PDE3B: variants seen among roughly 807,000 people sequenced by gnomAD.
PDE3B encodes the protein cGMP-inhibited 3',5'-cyclic phosphodiesterase 3B.
In PDE3B, 66 loss-of-function variants were observed where a neutral mutation model predicts 116.8. The observed-to-expected ratio is 0.56, with a 90% confidence interval of 0.46 to 0.69. The LOEUF (loss-of-function observed/expected upper bound fraction) is 0.69, where lower values mean the gene tolerates loss of function less well. PDE3B is among the 30% of genes least tolerant of loss of function. PDE3B has a pLI of 0.00. For missense variants in PDE3B, 1,384 were observed against 1,368.1 expected (o/e 1.01, Z -0.18); for synonymous variants, 595 against 533.6 (o/e 1.12, Z -1.59).
intron 5 of PDE3B, among the ~76,000 whole-genome samples, chr11:14,815,508 A>G (rs1859296917): frequency 6.6e-6 from 1 of 152,126 alleles, no homozygotes; most frequent in South Asian, 2.1e-4. Context: ...GGCCACCCAC[A>G]GTTCGTAGAG....
intron 1 of PDE3B, among the ~76,000 whole-genome samples, chr11:14,697,457 A>G (rs1759496491): frequency 1.3e-5 from 2 of 152,184 alleles, no homozygotes; most frequent in Non-Finnish European, 2.9e-5. Context: ...CCATTGGTCT[A>G]TTTATGCATT....
In PDE3B at chr11:14,665,115, C is replaced by A. The variant is rs550881727; in HGVS notation, c.978+20062C>A. Reference sequence around the variant, plus strand: ...CTGGGATGCAAGGCTGGTTCAATATCCGCAAATCAATAAATGTAATCCAGC... The same window carrying A: ...CTGGGATGCAAGGCTGGTTCAATATACGCAAATCAATAAATGTAATCCAGC... On this transcript the variant is annotated intron_variant, in intron 1 of 15. Coordinates refer to ENST00000282096, the MANE Select transcript of PDE3B (RefSeq NM_000922.4). Among the ~76,000 whole-genome samples the A allele has an allele frequency of 2.3e-4, 35 of 152,184 alleles. No homozygotes were observed. The South Asian group carries it at 6.2e-3, about 27-fold the overall frequency.
In PDE3B at chr11:14,830,853, G is replaced by T; in HGVS notation, c.1956+7G>T. 1 of 1,478,420 alleles carries T rather than the reference G, an allele frequency of 6.8e-7. No individual in the cohort carries two copies. The highest frequency in any genetic ancestry group is 1.5e-5 in the South Asian group (1 of 67,032). The allele number at this position is 1,478,420 out of a possible 1,614,324, so 91.6% of individuals were successfully genotyped here. ...GAGTGAACAGCAAACAAATGTAAAAGATAAACTTTCAATATGATTATGTTA... is the reference window on the plus strand; with the variant it reads ...GAGTGAACAGCAAACAAATGTAAAATATAAACTTTCAATATGATTATGTTA... On this transcript the variant is annotated splice_region_variant and intron_variant, in intron 8 of 15. Transcript: ENST00000282096.
rs1847947179 is a variant in PDE3B, at chr11:14,861,374, GA to G, written c.2886+11del. ...AATGAATTTTATGAGCAGGTAAGTT[GA>G]AACCTGAGCTTGGTGGGATTTTTAA... On this transcript the variant is annotated intron_variant, in intron 14 of 15. Coordinates refer to ENST00000282096, the MANE Select transcript of PDE3B (RefSeq NM_000922.4). 9.3e-6 allele frequency: 15 copies of G among 1,611,724 alleles called. No homozygotes were observed. Among genetic ancestry groups the G allele is most frequent in the Non-Finnish European group, 1.3e-5 (15 of 1,178,404 alleles).
intron 4 of PDE3B, among the ~76,000 whole-genome samples, chr11:14,794,608 C>G (rs1010856605): frequency 6.6e-6 from 1 of 152,182 alleles, no homozygotes; most frequent in African/African-American, 2.4e-5. Context: ...GACACCATGC[C>G]CAGCCTAATT....
intron 1 of PDE3B, among the ~76,000 whole-genome samples, chr11:14,714,622 C>G (rs1034892881): frequency 6.6e-6 from 1 of 151,780 alleles, no homozygotes; most frequent in Non-Finnish European, 1.5e-5. Flanking sequence ...CATCCATTTC[C>G]TGGGATGACT....
chr11:14,850,285 C>T (rs908028056), intron 12 of PDE3B, among the ~76,000 whole-genome samples: 3 of 149,884 alleles, frequency 2.0e-5, no homozygotes, highest in Non-Finnish European at 4.4e-5. Context: ...AGGAATTGAA[C>T]AATGAGAACA....
the PDE3B span, chr11:14,892,292 C>A: frequency 3.1e-6 from 4 of 1,292,422 alleles, no homozygotes; most frequent in African/African-American, 4.4e-5. Context: ...TGGCAGGATA[C>A]CCTCAGGTCC....
intron 5 of PDE3B, among the ~76,000 whole-genome samples, chr11:14,815,379 G>C (rs900107346): frequency 3.9e-5 from 6 of 152,090 alleles, no homozygotes; most frequent in Non-Finnish European, 8.8e-5. Flanking sequence ...TTCTCATCTG[G>C]AGAATCAGCT....
At chr11:14,809,805 C>A (rs1475024345) in intron 5 of PDE3B, among the ~76,000 whole-genome samples, 1 of 152,172 alleles carries the variant, frequency 6.6e-6, no homozygotes, top group South Asian at 2.1e-4. Flanking sequence ...GACATCAAGA[C>A]TGCTGGCACC....
intron 1 of PDE3B, among the ~76,000 whole-genome samples, chr11:14,694,805 C>A (rs1484963615): frequency 6.6e-6 from 1 of 152,098 alleles, no homozygotes; most frequent in African/African-American, 2.4e-5. Context: ...AAGTTATAAT[C>A]CTCTATTAAA....
chr11:14,685,995 C>T (rs1404530356), intron 1 of PDE3B, among the ~76,000 whole-genome samples: 1 of 152,040 alleles, frequency 6.6e-6, no homozygotes, highest in Admixed American at 6.6e-5. Flanking sequence ...AAGTCCATAT[C>T]CTAGAGATGA....
At chr11:14,675,613 A>G (rs2133787169) in intron 1 of PDE3B, among the ~76,000 whole-genome samples, 1 of 152,228 alleles carries the variant, frequency 6.6e-6, no homozygotes, top group East Asian at 1.9e-4. Flanking sequence ...AAAATTATAC[A>G]GTATGCATTC....
At chr11:14,858,966 C>T (rs557817410) in intron 12 of PDE3B, 77 bp from the exon 13 acceptor site, 577 of 1,034,670 alleles carry the variant, frequency 5.6e-4, no homozygotes, top group Non-Finnish European at 7.8e-4. Context: ...TGTTTGTATA[C>T]TTCCAACCTG....
the PDE3B span, chr11:14,880,186 T>C: frequency 3.7e-5 from 59 of 1,612,888 alleles, no homozygotes; most frequent in East Asian, 6.7e-5. Flanking sequence ...CCGTAGCACA[T>C]TGGTTGTAGT....
At chr11:14,869,293 TA>T (rs1446130857) in intron 15 of PDE3B, among the ~76,000 whole-genome samples, 167 bp from the exon 16 acceptor site, 2 of 152,044 alleles carry the variant, frequency 1.3e-5, no homozygotes, top group East Asian at 3.9e-4. Flanking sequence ...ACGCAGGGAT[TA>T]TTTTTATAGT....
chr11:14,895,868 A>T, the PDE3B span, among the ~76,000 whole-genome samples: 564 of 152,358 alleles, frequency 3.7e-3, 4 homozygotes, highest in African/African-American at 0.013. Flanking sequence ...TCCCACATTT[A>T]CAGGCAAGGC....
chr11:14,725,753 TA>T, intron 1 of PDE3B, among the ~76,000 whole-genome samples: 1 of 151,322 alleles, frequency 6.6e-6, no homozygotes, highest in Non-Finnish European at 1.5e-5. Context: ...TTCTTTACTC[TA>T]AGCCACCATT....
chr11:14,722,359 A>G (rs1284741963), intron 1 of PDE3B, among the ~76,000 whole-genome samples: 2 of 152,164 alleles, frequency 1.3e-5, no homozygotes, highest in Non-Finnish European at 2.9e-5. Context: ...AGTCGAGGGT[A>G]GCAAAAAATC....
Sources: gnomAD v4.1 joint callset for allele counts (sites outside exome capture counted in the v4.1 genomes callset) on GRCh38, gnomAD v4.1.1 for gene constraint, MANE v1.5 for transcripts, NCBI Gene and HGNC (gene_info 2026-07-23, HGNC 2026-07-21) for gene names.